The following BICD2 variants were observed in gnomAD, a reference collection of about 807,000 sequenced individuals.
BICD2 encodes the protein BICD cargo adaptor 2.
BICD2 carries 25 observed loss-of-function variants against 72.9 expected under a neutral mutation model. That is an observed-to-expected ratio of 0.34 (90% CI 0.25 to 0.48). The LOEUF (loss-of-function observed/expected upper bound fraction) is 0.48, where lower values mean the gene tolerates loss of function less well. Ranked by LOEUF, BICD2 falls within the 20% of genes least tolerant of loss-of-function variation. The probability of loss-of-function intolerance (pLI) is 0.99; values close to 1 mark genes in which losing one functional copy is unlikely to be tolerated. For synonymous variants in BICD2, 501 were observed against 516.1 expected, an observed-to-expected ratio of 0.97 and a Z score of 0.40; for missense variants, 894 against 1,175.2, an observed-to-expected ratio of 0.76 and a Z score of 3.50.
chr9:92,751,752 T>C lies in BICD2; in HGVS notation c.240+12753A>G, dbSNP rs117502631. 7.8e-3 allele frequency among the ~76,000 whole-genome samples: 1,192 copies of C among 151,974 alleles called. 8 individuals are homozygous for C. Among genetic ancestry groups the C allele is most frequent in the South Asian group, 0.028 (133 of 4,808 alleles). ...GAACTCATGGTTAACTAAATATACA[T>C]ACAGGTGTATTTATTGACATATGTA... On this transcript the variant is annotated intron_variant, in intron 1 of 6. Coordinates refer to ENST00000356884, the MANE Select transcript of BICD2 (RefSeq NM_001003800.2).
chr9:92,725,470 C>A (rs1464160259), intron 2 of BICD2, among the ~76,000 whole-genome samples: 1 of 152,264 alleles, frequency 6.6e-6, no homozygotes. Context: ...CGGCCAATTG[C>A]CAAGGGCTCA....
At position 92,764,811 on chromosome 9, in the gene BICD2, G is replaced by C; in HGVS notation, c.-67C>G. The C allele has an allele frequency of 8.4e-7, 1 of 1,189,396 alleles. No homozygotes were observed. The highest frequency in any genetic ancestry group is 1.0e-6 in the Non-Finnish European group (1 of 959,882). The allele number at this position is 1,189,396 out of a possible 1,614,324, so 73.7% of individuals were successfully genotyped here. On this transcript the variant is annotated 5_prime_UTR_variant, in exon 1 of 7. Transcript: ENST00000356884. This position sits in a 1 kb window ranked among gnomAD's most constrained non-coding sequence, Gnocchi z 5.5. ...GGCCGGGCCCTCCTCAGCCGCCGCC[G>C]CTGCCGCCGCCGCCGCCGCCCTGCC...
intron 1 of BICD2, among the ~76,000 whole-genome samples, chr9:92,737,694 A>G (rs1180241127): frequency 6.6e-6 from 1 of 152,228 alleles, no homozygotes; most frequent in Non-Finnish European, 1.5e-5. Context: ...CAAAGCTCCC[A>G]GTTATCACCT....
chr9:92,759,948 T>C (rs575601163), intron 1 of BICD2, among the ~76,000 whole-genome samples: 1 of 152,162 alleles, frequency 6.6e-6, no homozygotes, highest in African/African-American at 2.4e-5. Context: ...AGGAATCCTA[T>C]ATGGACCTGG....
rs760624844 is a variant in BICD2 at position 92,715,186 on chromosome 9, A to G, written c.2536T>C (p.Cys846Arg). The change falls in exon 7 of 7, where the codon TGC (cysteine) becomes CGC (arginine). Residue 846 changes from cysteine to arginine, a missense_variant. Coordinates refer to ENST00000356884, the MANE Select transcript of BICD2 (RefSeq NM_001003800.2). ...CAGTAAATGCTGTGCTTCTCGCTGCAGAACACCTGGTTGGCCAGCCCGGTG... is the reference window on the plus strand; with the variant it reads ...CAGTAAATGCTGTGCTTCTCGCTGCGGAACACCTGGTTGGCCAGCCCGGTG... Reference protein sequence around the residue: ...EGTGLANQVFCSEKHSIYCD With the variant: ...EGTGLANQVFRSEKHSIYCD 6.6e-5 allele frequency: 106 copies of G among 1,606,676 alleles called. No homozygotes were observed. The highest frequency in any genetic ancestry group is 8.5e-5 in the Non-Finnish European group (100 of 1,175,262).
chr9:92,754,487 G>A (rs1854216060), intron 1 of BICD2, among the ~76,000 whole-genome samples: 1 of 152,198 alleles, frequency 6.6e-6, no homozygotes, highest in Non-Finnish European at 1.5e-5. Flanking sequence ...ACACGTTATA[G>A]CAGAACTGTG....
chr9:92,717,207 T>A (rs575858235), intron 6 of BICD2, among the ~76,000 whole-genome samples: 9 of 152,248 alleles, frequency 5.9e-5, no homozygotes, highest in Non-Finnish European at 1.2e-4. Flanking sequence ...CCTGTAAATG[T>A]TGGATTCAAG....
Position 92,713,186 on chromosome 9 carries a change from GGCGAGCCTGGCA to G in BICD2, c.*1956_*1967del. 1 of 464,922 alleles carries G rather than the reference GGCGAGCCTGGCA, an allele frequency of 2.2e-6. No homozygotes were observed. The highest frequency in any genetic ancestry group is 3.8e-6 in the Non-Finnish European group (1 of 260,612). 28.8% of individuals were successfully genotyped at this position (464,922 alleles called of 1,614,324 possible). On this transcript the variant is annotated 3_prime_UTR_variant, in exon 7 of 7. Coordinates refer to ENST00000356884, the MANE Select transcript of BICD2 (RefSeq NM_001003800.2). ...TGGTGGGCGTTTCCAGTGGGCTCCT[GGCGAGCCTGGCA>G]GCCAGGGAAGAAGGGTCTTCGGCCC... is the stretch of plus-strand genomic sequence containing the variant.
intron 6 of BICD2, among the ~76,000 whole-genome samples, chr9:92,716,900 A>C (rs537621112): frequency 2.6e-5 from 4 of 152,310 alleles, no homozygotes; most frequent in South Asian, 2.1e-4. Flanking sequence ...AGGAAGAAAG[A>C]AAGCTGGTCT....
intron 1 of BICD2, among the ~76,000 whole-genome samples, chr9:92,755,784 A>G (rs1017879152): frequency 1.3e-5 from 2 of 152,244 alleles, no homozygotes; most frequent in Non-Finnish European, 2.9e-5. Context: ...GAAGAAGGGC[A>G]GAGCAAAGCA....
At position 92,764,746 on chromosome 9, in the gene BICD2, G is replaced by A; in HGVS notation, c.-2C>T. 1 of 1,561,918 alleles carries A rather than the reference G, an allele frequency of 6.4e-7. No individual in the cohort carries two copies. The highest frequency in any genetic ancestry group is 1.2e-5 in the South Asian group (1 of 85,816). ...CTCCTCCTCCGACGGCGCCGACATG[G>A]TGGCCGAGGGCTGAGCCGGCTCCCA... On this transcript the variant is annotated 5_prime_UTR_variant, in exon 1 of 7. Coordinates refer to ENST00000356884, the MANE Select transcript of BICD2 (RefSeq NM_001003800.2). This position sits in a 1 kb window ranked among gnomAD's most constrained non-coding sequence, Gnocchi z 5.5.
rs1183367895 is a variant in BICD2 at position 92,720,657 on chromosome 9, G to A, written c.705C>T (p.Ile235=). The A allele has an allele frequency of 4.3e-6, 7 of 1,614,182 alleles. No individual in the cohort carries two copies. Among genetic ancestry groups the A allele is most frequent in the East Asian group, 2.2e-5 (1 of 44,880 alleles). ...QLEDAIRLKE[I]SERQLEEALE... ...GCGCCTCCTCCAGCTGCCGCTCTGA[G>A]ATCTCCTTGAGGCGGATGGCATCCT... Residue 235 remains isoleucine, a synonymous_variant, in exon 4 of 7, where the codon ATC becomes ATT. Transcript: ENST00000356884. This position sits in a 1 kb window ranked among gnomAD's most constrained non-coding sequence, Gnocchi z 5.4.
intron 1 of BICD2, among the ~76,000 whole-genome samples, chr9:92,739,015 G>A (rs1853844810): frequency 6.6e-6 from 1 of 152,200 alleles, no homozygotes; most frequent in South Asian, 2.1e-4. Flanking sequence ...GGGAACGGCG[G>A]GCCTGGGCAT....
rs149202300 is a variant in BICD2, at chr9:92,726,581, G to A, written c.453+2443C>T. ...ATGCATGACTGGGACTGGTGGTGGTGAGACAAGGTCAGTCCTAGAGATGCT... is the reference window on the plus strand; with the variant it reads ...ATGCATGACTGGGACTGGTGGTGGTAAGACAAGGTCAGTCCTAGAGATGCT... On this transcript the variant is annotated intron_variant, in intron 2 of 6. Transcript: ENST00000356884. 4.9e-3 allele frequency among the ~76,000 whole-genome samples: 741 copies of A among 152,230 alleles called. 4 individuals carry two copies. Among genetic ancestry groups the A allele is most frequent in the African/African-American group, 0.017 (689 of 41,508 alleles).
At chr9:92,731,854 A>G (rs1853685938) in intron 1 of BICD2, among the ~76,000 whole-genome samples, 1 of 152,248 alleles carries the variant, frequency 6.6e-6, no homozygotes, top group Non-Finnish European at 1.5e-5. Context: ...CCTGCTCCCA[A>G]CAGCAGAGGA....
At chr9:92,759,671 G>A (rs1160370365) in intron 1 of BICD2, among the ~76,000 whole-genome samples, 3 of 152,228 alleles carry the variant, frequency 2.0e-5, no homozygotes, top group Non-Finnish European at 4.4e-5. Flanking sequence ...ACAACACAGG[G>A]TCTAAGGCCA....
In BICD2 at chr9:92,719,166, G is replaced by A. The variant is rs752644455; in HGVS notation, c.1479C>T (p.Arg493=). The A allele has an allele frequency of 4.3e-5, 69 of 1,611,070 alleles. No homozygotes were observed. Among genetic ancestry groups the A allele is most frequent in the Non-Finnish European group, 5.5e-5 (65 of 1,179,988 alleles). ...GCCGGGCCAGCAGCTCGCGGTCCTG[G>A]CGGCTGGCCTTCTCTAGCAGGGAGA... The part of the protein sequence containing the change: ...EKVSLLEKAS[R]QDRELLARLE... The change falls in exon 5 of 7, where the codon CGC becomes CGT. Residue 493 remains arginine (R), a synonymous_variant. Transcript: ENST00000356884.
intron 1 of BICD2, among the ~76,000 whole-genome samples, chr9:92,736,266 T>G (rs1045923158): frequency 1.3e-5 from 2 of 151,986 alleles, no homozygotes; most frequent in African/African-American, 4.8e-5. Flanking sequence ...GCAAGGAGAG[T>G]GATCTCCGGT....
chr9:92,760,726 C>G (rs1854355040), intron 1 of BICD2, among the ~76,000 whole-genome samples: 1 of 152,218 alleles, frequency 6.6e-6, no homozygotes, highest in Non-Finnish European at 1.5e-5. Flanking sequence ...AGGGCCCCAG[C>G]TCCCACCCAA....
Sources: gnomAD v4.1 joint callset for allele counts (sites outside exome capture counted in the v4.1 genomes callset) on GRCh38, gnomAD v4.1.1 for gene constraint, Gnocchi (gnomAD v3.1) non-coding constraint, MANE v1.5 for transcripts, NCBI Gene and HGNC (gene_info 2026-07-23, HGNC 2026-07-21) for gene names.